Variants in SYNPR observed in about 807,000 individuals in gnomAD.
SYNPR encodes synaptoporin.
SYNPR carries 23 observed loss-of-function variants against 32.9 expected under a neutral mutation model. The ratio of observed to expected loss-of-function variants is 0.70; its 90% CI spans 0.50 to 0.99. The LOEUF (loss-of-function observed/expected upper bound fraction) is 0.99. Among genes scored for constraint, SYNPR ranks in the 50% least tolerant of loss-of-function variants. The probability of loss-of-function intolerance (pLI) is 0.00; values close to 1 mark genes in which losing one functional copy is unlikely to be tolerated. For missense variants in SYNPR, 318 were observed against 349.3 expected (o/e 0.91, Z 0.71); for synonymous variants, 146 against 135.9 (o/e 1.07, Z -0.52).
chr3:63,443,599 T>A, intron 2 of SYNPR: 1 of 1,033,964 alleles, frequency 9.7e-7, no homozygotes. Context: ...CTAGTAATAA[T>A]CTCTATTTTT....
chr3:63,322,658 A>G lies in SYNPR; in HGVS notation c.84+43916A>G, dbSNP rs991927682. Among the ~76,000 whole-genome samples, 13 of 152,242 alleles carry G rather than the reference A, an allele frequency of 8.5e-5. No individual in the cohort carries two copies. The East Asian group carries it at 2.5e-3, about 30-fold the overall frequency. ...GTCCTGTCCCCATTCTACAAACAAA[A>G]AACTAAAGCACAAAGACACAAAGTC... is the stretch of plus-strand genomic sequence containing the variant. On this transcript the variant is annotated intron_variant, in intron 2 of 5. Coordinates refer to ENST00000478300, the MANE Select transcript of SYNPR (RefSeq NM_001130003.2).
rs2086596617 is a variant in SYNPR at position 63,278,451 on chromosome 3, T to C, written c.-83T>C. On this transcript the variant is annotated 5_prime_UTR_variant, in exon 1 of 6. Coordinates refer to ENST00000478300, the MANE Select transcript of SYNPR (RefSeq NM_001130003.2). The stretch of plus-strand genomic sequence containing the variant: ...CTCCTCTGGCTGCTCCCGAAGGGGC[T>C]TCTGGCCCTGAGGACGGTGGTGCCA... The C allele has an allele frequency of 6.7e-7, 1 of 1,487,738 alleles. No individual in the cohort carries two copies. The highest frequency in any genetic ancestry group is 9.0e-7 in the Non-Finnish European group (1 of 1,112,746). 92.2% of individuals were successfully genotyped at this position (1,487,738 alleles called of 1,614,324 possible).
At chr3:63,456,919 A>G (rs1700493066) in intron 2 of SYNPR, among the ~76,000 whole-genome samples, 1 of 152,102 alleles carries the variant, frequency 6.6e-6, no homozygotes, top group Admixed American at 6.6e-5. Context: ...ACACGAATAC[A>G]CCAACAAAAA....
chr3:63,437,030 C>T (rs1575643343), intron 2 of SYNPR, among the ~76,000 whole-genome samples: 2 of 152,254 alleles, frequency 1.3e-5, no homozygotes, highest in Middle Eastern at 3.4e-3. Flanking sequence ...GCACCTGCCA[C>T]CACGCCCGGC....
intron 3 of SYNPR, among the ~76,000 whole-genome samples, chr3:63,550,605 T>A (rs1702482793): frequency 6.6e-6 from 1 of 152,146 alleles, no homozygotes; most frequent in African/African-American, 2.4e-5. Context: ...AAATATTTTA[T>A]TCTCTCCCTC....
the SYNPR span, among the ~76,000 whole-genome samples, chr3:63,209,661 C>A: frequency 1.3e-5 from 2 of 152,168 alleles, no homozygotes; most frequent in Non-Finnish European, 2.9e-5. Context: ...AAACTATTCT[C>A]CCTCTCCCTA....
At chr3:63,373,710 T>C (rs547190151) in intron 2 of SYNPR, among the ~76,000 whole-genome samples, 2 of 152,116 alleles carry the variant, frequency 1.3e-5, no homozygotes, top group South Asian at 4.2e-4. Context: ...AACATTCAAA[T>C]TAAGGAAACA....
intron 3 of SYNPR, among the ~76,000 whole-genome samples, chr3:63,270,520 T>C (rs1328198128): frequency 6.6e-6 from 1 of 152,156 alleles, no homozygotes; most frequent in African/African-American, 2.4e-5. Flanking sequence ...GGTAGCTAAA[T>C]AAAAGCCTCA....
In SYNPR at chr3:63,229,343, T is replaced by C. The variant is rs556158450; in HGVS notation, n.66+963T>C. On this transcript the variant is annotated intron_variant and non_coding_transcript_variant, in intron 1 of 4. Transcript: ENST00000478456. ...TTAATATAATTTTCATCAAAAACTATTGTCGACAAATTTACTTTTTTGGAT... is the reference window on the plus strand; with the variant it reads ...TTAATATAATTTTCATCAAAAACTACTGTCGACAAATTTACTTTTTTGGAT... Among the ~76,000 whole-genome samples the C allele has an allele frequency of 2.8e-4, 42 of 152,174 alleles. No individual in the cohort carries two copies. In the East Asian group the frequency reaches 7.2e-3, roughly 26 times the overall value.
intron 1 of SYNPR, among the ~76,000 whole-genome samples, chr3:63,249,874 A>G (rs2086317325): frequency 6.6e-6 from 1 of 152,062 alleles, no homozygotes; most frequent in Non-Finnish European, 1.5e-5. Context: ...TGAATGACAC[A>G]GCAGAATGCA....
chr3:63,511,483 C>A (rs911898022), intron 3 of SYNPR, among the ~76,000 whole-genome samples: 4 of 152,150 alleles, frequency 2.6e-5, no homozygotes, highest in African/African-American at 9.6e-5. Flanking sequence ...GTTTCTACTT[C>A]TTTTCTTTTA....
At chr3:63,462,859 G>C (rs1700611424) in intron 2 of SYNPR, among the ~76,000 whole-genome samples, 1 of 152,112 alleles carries the variant, frequency 6.6e-6, no homozygotes, top group Admixed American at 6.5e-5. Context: ...CCCTCAACCA[G>C]CCTGTTGAGC....
intron 2 of SYNPR, among the ~76,000 whole-genome samples, chr3:63,359,963 TAGTGGTTTATCAAG>T (rs1263737535): frequency 1.3e-5 from 2 of 152,204 alleles, no homozygotes; most frequent in Non-Finnish European, 2.9e-5. Context: ...CAAGCAGCCC[TAGTGGTTTATCAAG>T]AGGCGATTTA....
rs375908393 is a variant in SYNPR at position 63,278,762 on chromosome 3, C to A, written c.84+20C>A. 296 of 1,551,070 alleles carry A rather than the reference C, an allele frequency of 1.9e-4. No homozygotes were observed. The highest frequency in any genetic ancestry group is 1.5e-3 in the African/African-American group (108 of 73,162). ...GAATTGGTGAGTAGCAGTGTGTGTG[C>A]AGGGAGGGGCGCCAGGCAGCCAGCT... On this transcript the variant is annotated intron_variant, in intron 2 of 5. Coordinates refer to ENST00000478300, the MANE Select transcript of SYNPR (RefSeq NM_001130003.2).
At chr3:63,445,958 T>G (rs954580857) in intron 2 of SYNPR, among the ~76,000 whole-genome samples, 1 of 152,188 alleles carries the variant, frequency 6.6e-6, no homozygotes, top group African/African-American at 2.4e-5. Context: ...TCTTTGAAAC[T>G]GAAGAATATG....
At chr3:63,571,412 A>G (rs1702883311) in intron 4 of SYNPR, among the ~76,000 whole-genome samples, 1 of 152,178 alleles carries the variant, frequency 6.6e-6, no homozygotes, top group African/African-American at 2.4e-5. Context: ...ATTCAAATTT[A>G]TAAACTTCCA....
At chr3:63,541,351 C>T (rs990129302) in intron 3 of SYNPR, among the ~76,000 whole-genome samples, 7 of 151,792 alleles carry the variant, frequency 4.6e-5, no homozygotes, top group African/African-American at 1.7e-4. Flanking sequence ...GATTAGGTAA[C>T]CAAATTTCAT....
chr3:63,336,088 A>G (rs1187636879), intron 2 of SYNPR, among the ~76,000 whole-genome samples: 1 of 152,186 alleles, frequency 6.6e-6, no homozygotes, highest in African/African-American at 2.4e-5. Context: ...TGTTAAAAAC[A>G]ACCTAAATGT....
chr3:63,399,261 A>T (rs888644146), intron 2 of SYNPR, among the ~76,000 whole-genome samples: 10 of 152,146 alleles, frequency 6.6e-5, no homozygotes, highest in African/African-American at 2.2e-4. Flanking sequence ...GGCTGCTACA[A>T]CAAAATAACC....
Sources: gnomAD v4.1 joint callset for allele counts (sites outside exome capture counted in the v4.1 genomes callset) on GRCh38, gnomAD v4.1.1 for gene constraint, MANE v1.5 for transcripts, NCBI Gene and HGNC (gene_info 2026-07-23, HGNC 2026-07-21) for gene names.